PRKG1: variants seen among roughly 807,000 people sequenced by gnomAD.
The protein encoded by PRKG1 is protein kinase cGMP-dependent 1, also known as cGMP-dependent protein kinase 1.
PRKG1 carries 35 observed loss-of-function variants against 88.1 expected under a neutral mutation model. The ratio of observed to expected loss-of-function variants is 0.40; its 90% confidence interval spans 0.30 to 0.53. The LOEUF is 0.53. PRKG1 is among the 20% of genes least tolerant of loss of function. The pLI, the probability that PRKG1 is intolerant of heterozygous loss-of-function variation, is 0.59. For missense variants in PRKG1, 540 were observed against 839.8 expected (o/e 0.64, Z 4.41); for synonymous variants, 303 against 292.5 (o/e 1.04, Z -0.37).
rs559692770 is a variant in PRKG1 at position 51,015,250 on chromosome 10, G to A, written c.266+23606G>A. Among the ~76,000 whole-genome samples, 4 of 152,274 alleles carry A rather than the reference G, an allele frequency of 2.6e-5. No homozygotes were observed. In the South Asian group the frequency reaches 8.3e-4, roughly 32 times the overall value. Reference sequence around the variant, plus strand: ...AATTTTTTCTCCCAGGCTCTTGAACGAATTCCAAGTTACAATTACTAAACA... The same window carrying A: ...AATTTTTTCTCCCAGGCTCTTGAACAAATTCCAAGTTACAATTACTAAACA... On this transcript the variant is annotated intron_variant, in intron 1 of 17. Coordinates refer to the PRKG1 transcript ENST00000401604.
intron 2 of PRKG1, among the ~76,000 whole-genome samples, chr10:51,213,339 A>T (rs1181816453): frequency 3.3e-5 from 5 of 152,208 alleles, no homozygotes; most frequent in Non-Finnish European, 7.3e-5. Context: ...GGGGGGAGGT[A>T]TAGCATTAGG....
At chr10:52,247,864 T>C (rs1253877965) in intron 9 of PRKG1, among the ~76,000 whole-genome samples, 1 of 152,034 alleles carries the variant, frequency 6.6e-6, no homozygotes, top group African/African-American at 2.4e-5. Context: ...CACAGAAATA[T>C]AGAGGTGTGA....
intron 2 of PRKG1, among the ~76,000 whole-genome samples, chr10:51,351,578 C>T (rs929826371): frequency 6.6e-6 from 1 of 151,722 alleles, no homozygotes; most frequent in African/African-American, 2.4e-5. Flanking sequence ...CTCTTCATAT[C>T]CTTTGCTCAC....
chr10:51,390,192 T>C (rs1328832740), intron 2 of PRKG1, among the ~76,000 whole-genome samples: 2 of 152,232 alleles, frequency 1.3e-5, no homozygotes, highest in Non-Finnish European at 2.9e-5. Context: ...TCTGTGGGAA[T>C]TCCACCAAGC....
At chr10:51,337,030 C>G (rs1462119102) in intron 2 of PRKG1, among the ~76,000 whole-genome samples, 1 of 152,118 alleles carries the variant, frequency 6.6e-6, no homozygotes, top group Non-Finnish European at 1.5e-5. Context: ...GCTACAGTAA[C>G]CAAAGCAGCA....
chr10:51,118,279 A>G (rs2339631), intron 1 of PRKG1, among the ~76,000 whole-genome samples: 121,213 of 152,096 alleles, frequency 0.8, 48,881 homozygotes, highest in South Asian at 0.88. Flanking sequence ...AAAACAAAAA[A>G]TAACTTCCTG....
intron 5 of PRKG1, among the ~76,000 whole-genome samples, chr10:51,952,561 A>T (rs1282822489): frequency 6.6e-6 from 1 of 152,238 alleles, no homozygotes; most frequent in African/African-American, 2.4e-5. Context: ...TATAGTTAAG[A>T]TTAACACAGT....
chr10:52,296,794 C>A lies in PRKG1; in HGVS notation c.*2894C>A, dbSNP rs372291158. ...AAATAATTTCTGGAAAAACGCTATA[C>A]ATGCTTTTTATGTTTATATCTTCTT... is the stretch of plus-strand genomic sequence containing the variant. On this transcript the variant is annotated 3_prime_UTR_variant, in exon 18 of 18. Transcript: ENST00000373980. 1.7e-4 allele frequency: 26 copies of A among 152,170 alleles called. No homozygotes were observed. In the East Asian group the frequency reaches 3.9e-3, roughly 23 times the overall value. 9.4% of individuals were successfully genotyped at this position (152,170 alleles called of 1,614,324 possible).
chr10:51,925,757 T>C (rs1184355333), intron 5 of PRKG1, among the ~76,000 whole-genome samples: 1 of 152,144 alleles, frequency 6.6e-6, no homozygotes, highest in Non-Finnish European at 1.5e-5. Context: ...GAGTTGCCCC[T>C]AAAACTGAAC....
rs569258981 is a variant in PRKG1 at position 51,611,282 on chromosome 10, G to A, written c.592+143446G>A. 3.7e-4 allele frequency among the ~76,000 whole-genome samples: 56 copies of A among 151,870 alleles called. No homozygotes were observed. In the South Asian group the frequency reaches 0.01, roughly 28 times the overall value. On this transcript the variant is annotated intron_variant, in intron 3 of 17. Transcript: ENST00000373980. Reference sequence around the variant, plus strand: ...TTTGTCACTCCACATCCTCACCAACGTCTATTATTTTTTGTCTCTCTAGTA... The same window carrying A: ...TTTGTCACTCCACATCCTCACCAACATCTATTATTTTTTGTCTCTCTAGTA...
intron 2 of PRKG1, among the ~76,000 whole-genome samples, chr10:51,386,410 G>A (rs1334569938): frequency 6.6e-6 from 1 of 152,104 alleles, no homozygotes; most frequent in African/African-American, 2.4e-5. Context: ...AATTGAGTCT[G>A]AGTCCAAAGG....
At chr10:52,103,436 A>G (rs1251259831) in intron 7 of PRKG1, among the ~76,000 whole-genome samples, 9 of 152,114 alleles carry the variant, frequency 5.9e-5, no homozygotes, top group African/African-American at 2.2e-4. Flanking sequence ...CAATGTGAAG[A>G]TGATGAAGAT....
At chr10:52,081,545 A>T in intron 7 of PRKG1, 1 of 455,076 alleles carries the variant, frequency 2.2e-6, no homozygotes, top group Admixed American at 2.4e-5. Context: ...TCTTAATTTG[A>T]TTGATTAATC....
At chr10:51,362,499 A>G (rs1275703137) in intron 2 of PRKG1, among the ~76,000 whole-genome samples, 4 of 151,846 alleles carry the variant, frequency 2.6e-5, no homozygotes, top group Non-Finnish European at 5.9e-5. Flanking sequence ...TGATTAAGGA[A>G]ATTATAAAAA....
At chr10:51,352,456 A>G (rs763894898) in intron 2 of PRKG1, among the ~76,000 whole-genome samples, 10 of 152,054 alleles carry the variant, frequency 6.6e-5, no homozygotes, top group Non-Finnish European at 1.3e-4. Context: ...GCAGTGAACA[A>G]TCTGAAAAGG....
At chr10:51,962,154 G>A (rs1446455286) in intron 5 of PRKG1, among the ~76,000 whole-genome samples, 1 of 152,160 alleles carries the variant, frequency 6.6e-6, no homozygotes, top group African/African-American at 2.4e-5. Context: ...GGGTCAGGAA[G>A]GAGCTCGGGA....
chr10:51,651,465 C>G (rs1302094650), intron 3 of PRKG1, among the ~76,000 whole-genome samples: 1 of 152,040 alleles, frequency 6.6e-6, no homozygotes, highest in Admixed American at 6.6e-5. Context: ...AGGAAGTCTC[C>G]TTTGATTTTC....
intron 12 of PRKG1, among the ~76,000 whole-genome samples, chr10:52,277,384 C>T (rs1274473466): frequency 1.3e-5 from 2 of 152,120 alleles, no homozygotes; most frequent in Admixed American, 1.3e-4. Context: ...CTATTCTATA[C>T]TATGTTAGTT....
chr10:51,591,975 G>C (rs1211614034), intron 3 of PRKG1, among the ~76,000 whole-genome samples: 1 of 152,094 alleles, frequency 6.6e-6, no homozygotes, highest in South Asian at 2.1e-4. Context: ...CTGTTAGGGG[G>C]GAAAACACAT....
Sources: gnomAD v4.1 joint callset for allele counts (sites outside exome capture counted in the v4.1 genomes callset) on GRCh38, gnomAD v4.1.1 for gene constraint, MANE v1.5 for transcripts, NCBI Gene and HGNC (gene_info 2026-07-23, HGNC 2026-07-21) for gene names.